SLC12A2: variants seen among roughly 807,000 people sequenced by gnomAD.
SLC12A2 encodes solute carrier family 12 member 2.
SLC12A2 carries 67 observed loss-of-function variants against 136.3 expected under a neutral mutation model. The ratio of observed to expected loss-of-function variants is 0.49; its 90% CI spans 0.40 to 0.60. The LOEUF (loss-of-function observed/expected upper bound fraction) is 0.60, where lower values mean the gene tolerates loss of function less well. Among genes scored for constraint, SLC12A2 ranks in the 20% least tolerant of loss-of-function variants. SLC12A2 has a pLI of 0.00. For synonymous variants in SLC12A2, 619 were observed against 562.9 expected, an observed-to-expected ratio of 1.10 and a Z score of -1.41; for missense variants, 1,322 against 1,534.7, an observed-to-expected ratio of 0.86 and a Z score of 2.32.
At chr5:128,091,813 A>G (rs1315375726) in intron 1 of SLC12A2, among the ~76,000 whole-genome samples, 1 of 152,232 alleles carries the variant, frequency 6.6e-6, no homozygotes, top group Non-Finnish European at 1.5e-5. Flanking sequence ...CACTCATAGT[A>G]TCATTGGACT....
chr5:128,146,765 A>G (rs892888587), intron 10 of SLC12A2, among the ~76,000 whole-genome samples: 2 of 151,746 alleles, frequency 1.3e-5, no homozygotes, highest in Admixed American at 6.6e-5. Context: ...CTAGAAGATA[A>G]AAGGTTAGAA....
intron 15 of SLC12A2, among the ~76,000 whole-genome samples, chr5:128,155,251 G>A (rs899860488): frequency 6.6e-6 from 1 of 151,874 alleles, no homozygotes; most frequent in Non-Finnish European, 1.5e-5. Flanking sequence ...TTTATGGAAT[G>A]TTCTATATTC....
chr5:128,112,804 T>A lies in SLC12A2; in HGVS notation c.757-10T>A. On this transcript the variant is annotated splice_polypyrimidine_tract_variant and intron_variant, in intron 1 of 26. Coordinates refer to ENST00000262461, the MANE Select transcript of SLC12A2 (RefSeq NM_001046.3). ...TGTTAAGCATAATTCATATTTCTTT[T>A]TATAACCAGGAACCTTTTGAGGATG... 6.3e-7 allele frequency: 1 copy of A among 1,587,894 alleles called. No individual in the cohort carries two copies. The highest frequency in any genetic ancestry group is 1.9e-5 in the Admixed American group (1 of 53,238).
chr5:128,108,042 G>A (rs1421676009), intron 1 of SLC12A2, among the ~76,000 whole-genome samples: 1 of 152,030 alleles, frequency 6.6e-6, no homozygotes, highest in African/African-American at 2.4e-5. Flanking sequence ...GTGATGATGA[G>A]CATTTTTTCA....
At chr5:128,159,582 T>C (rs928865054) in intron 16 of SLC12A2, among the ~76,000 whole-genome samples, 3 of 152,008 alleles carry the variant, frequency 2.0e-5, no homozygotes, top group African/African-American at 2.4e-5. Context: ...TGTCAAAAAG[T>C]GGGCAAAGGA....
intron 4 of SLC12A2, among the ~76,000 whole-genome samples, chr5:128,127,953 A>G (rs1561674343): frequency 6.6e-6 from 1 of 151,962 alleles, no homozygotes; most frequent in African/African-American, 2.4e-5. Context: ...TTATTGATAT[A>G]TCCTCATTTT....
intron 12 of SLC12A2, 49 bp from the exon 13 acceptor site, chr5:128,149,948 A>C: frequency 8.1e-7 from 1 of 1,231,012 alleles, no homozygotes; most frequent in Non-Finnish European, 1.2e-6. Context: ...AATTTTAAAA[A>C]GTTAAATGTC....
chr5:128,174,755 A>C, intron 20 of SLC12A2, 89 bp downstream of exon 20: 1 of 1,079,128 alleles, frequency 9.3e-7, no homozygotes, highest in Non-Finnish European at 1.3e-6. Context: ...TCTTATAAAA[A>C]TAACCTGTTC....
intron 13 of SLC12A2, among the ~76,000 whole-genome samples, chr5:128,150,360 C>T (rs1762662354): frequency 6.6e-6 from 1 of 151,652 alleles, no homozygotes; most frequent in African/African-American, 2.4e-5. Context: ...TTTAAAAAAA[C>T]TAGTTTTTCA....
chr5:128,140,706 C>A (rs559723827), intron 9 of SLC12A2, among the ~76,000 whole-genome samples: 55 of 150,320 alleles, frequency 3.7e-4, no homozygotes, highest in South Asian at 1.2e-3. Flanking sequence ...CCTTCCCCCC[C>A]CAAAAAATTT....
At chr5:128,157,265 T>A (rs1762896082) in intron 15 of SLC12A2, among the ~76,000 whole-genome samples, 1 of 152,172 alleles carries the variant, frequency 6.6e-6, no homozygotes, top group Non-Finnish European at 1.5e-5. Flanking sequence ...ACCTGTATAT[T>A]TTTTACATTA....
At chr5:128,146,339 C>T (rs1195169149) in intron 10 of SLC12A2, among the ~76,000 whole-genome samples, 1 of 151,650 alleles carries the variant, frequency 6.6e-6, no homozygotes, top group African/African-American at 2.4e-5. Context: ...TTTCTAAGTC[C>T]AGGATTGATC....
At chr5:128,128,639 A>G (rs1017981045) in intron 4 of SLC12A2, among the ~76,000 whole-genome samples, 3 of 152,028 alleles carry the variant, frequency 2.0e-5, no homozygotes, top group Non-Finnish European at 4.4e-5. Context: ...CCTTAGCCAA[A>G]TTACTTAACC....
chr5:128,112,492 C>T (rs549253259), intron 1 of SLC12A2, among the ~76,000 whole-genome samples: 21 of 152,256 alleles, frequency 1.4e-4, no homozygotes, highest in African/African-American at 4.3e-4. Context: ...CTGAATTGAT[C>T]GACTTAGCTA....
Position 128,083,797 on chromosome 5 carries a change from C to A in SLC12A2, c.-158C>A, listed in dbSNP as rs370523998. ...GCGCGCTCGCTCGGCTGCCGGTGGC[C>A]TCTGTGGCCGTCCAGGCTAGCGGCG... On this transcript the variant is annotated 5_prime_UTR_variant, in exon 1 of 27. Transcript: ENST00000262461. 11 of 500,312 alleles carry A rather than the reference C, an allele frequency of 2.2e-5. No homozygotes were observed. Among genetic ancestry groups the A allele is most frequent in the Non-Finnish European group, 2.7e-5 (9 of 327,602 alleles). The allele number at this position is 500,312 out of a possible 1,614,324, so 31.0% of individuals were successfully genotyped here.
chr5:128,109,663 C>T (rs894701485), intron 1 of SLC12A2: 1 of 881,038 alleles, frequency 1.1e-6, no homozygotes, highest in Non-Finnish European at 1.9e-6. Context: ...CAGGGAATAG[C>T]TTCACATCTT....
At chr5:128,092,613 A>T (rs1201673850) in intron 1 of SLC12A2, among the ~76,000 whole-genome samples, 1 of 152,244 alleles carries the variant, frequency 6.6e-6, no homozygotes, top group Non-Finnish European at 1.5e-5. Context: ...CATTGCAGAT[A>T]TAATGAATAT....
intron 16 of SLC12A2, among the ~76,000 whole-genome samples, chr5:128,159,830 C>A (rs529865203): frequency 1.9e-4 from 29 of 152,078 alleles, no homozygotes; most frequent in Non-Finnish European, 3.8e-4. Flanking sequence ...GACAGCGTGG[C>A]GATTCCTCAA....
chr5:128,171,746 G>A lies in SLC12A2; in HGVS notation c.2803G>A (p.Glu935Lys). Residue 935 changes from glutamate (E) to lysine (K), a missense_variant and splice_region_variant, in exon 19 of 27, where the codon GAA (glutamate) becomes AAA (lysine). Physicochemically the swap from Glu to Lys is moderately conservative, Grantham distance 56. This residue lies in a region of SLC12A2 where 226 missense variants were observed against 210.4 expected (regional missense o/e 1.07). Transcript: ENST00000262461. ...GLDISHLQGQ[E>K]ELLSSQEKSP... ...GGATATATCTCATCTTCAAGGACAA[G>A]GTAAATTTTGTTGGCAATAAGTTTT... 1 of 1,549,666 alleles carries A rather than the reference G, an allele frequency of 6.5e-7. No homozygotes were observed. The highest frequency in any genetic ancestry group is 8.7e-7 in the Non-Finnish European group (1 of 1,150,050).
Sources: allele counts gnomAD v4.1 joint callset (sites outside exome capture counted in the v4.1 genomes callset), GRCh38; gene constraint gnomAD v4.1.1; regional missense constraint gnomAD v4.1.1; transcripts MANE v1.5; gene names NCBI Gene and HGNC (gene_info 2026-07-23, HGNC 2026-07-21).